Variants in IL16 observed in about 807,000 individuals in gnomAD.
The protein encoded by IL16 is pro-interleukin-16.
IL16 carries 67 observed loss-of-function variants against 110.1 expected under a neutral mutation model. The ratio of observed to expected loss-of-function variants is 0.61; its 90% CI spans 0.50 to 0.75. The LOEUF is 0.75. Among genes scored for constraint, IL16 ranks in the 30% least tolerant of loss-of-function variants. The pLI is 0.00. For missense variants in IL16, 1,545 were observed against 1,655.0 expected (o/e 0.93, Z 1.15); for synonymous variants, 689 against 662.9 (o/e 1.04, Z -0.61).
chr15:81,216,839 T>G (rs1896452558), intron 1 of IL16, among the ~76,000 whole-genome samples: 1 of 152,050 alleles, frequency 6.6e-6, no homozygotes, highest in South Asian at 2.1e-4. Context: ...TCTTCCAGCC[T>G]CCCTCCTCTC....
intron 1 of IL16, among the ~76,000 whole-genome samples, chr15:81,209,704 C>A (rs112661501): frequency 0.018 from 2,811 of 152,166 alleles, 67 homozygotes; most frequent in Middle Eastern, 0.041. Context: ...ACTCAATAGC[C>A]CACACCCACT....
At chr15:81,307,275 C>G (rs1900621607) in intron 18 of IL16, among the ~76,000 whole-genome samples, 2 of 152,172 alleles carry the variant, frequency 1.3e-5, no homozygotes, top group Admixed American at 1.3e-4. Context: ...CTAGTCCCAG[C>G]TCTGCCTGTA....
At chr15:81,269,055 T>C (rs1898514579) in intron 4 of IL16, among the ~76,000 whole-genome samples, 1 of 152,266 alleles carries the variant, frequency 6.6e-6, no homozygotes, top group Non-Finnish European at 1.5e-5. Context: ...TAAGCCTGTC[T>C]GCCTACCCCA....
chr15:81,292,766 CCA>C lies in IL16; in HGVS notation c.1632_1633del (p.Ser545LeufsTer41). The C allele has an allele frequency of 6.2e-7, 1 of 1,614,172 alleles. No homozygotes were observed. Among genetic ancestry groups the C allele is most frequent in the Non-Finnish European group, 8.5e-7 (1 of 1,180,022 alleles). On this transcript the variant is annotated frameshift_variant, in exon 12 of 19. Coordinates refer to ENST00000683961, the MANE Select transcript of IL16 (RefSeq NM_172217.5). LOFTEE classifies it high-confidence loss of function. The stretch of plus-strand genomic sequence containing the variant: ...GACGTGGACATCAGCACACACAGCC[CCA>C]GCTTGCCTCTGGCACGGGAGCCAGT...
At chr15:81,248,616 C>G (rs369460386) in intron 2 of IL16, among the ~76,000 whole-genome samples, 17 of 149,426 alleles carry the variant, frequency 1.1e-4, no homozygotes, top group African/African-American at 3.9e-4. Flanking sequence ...CTGTTTTATT[C>G]TCTGCTTTCT....
At chr15:81,280,255 C>T (rs958254105) in intron 8 of IL16, among the ~76,000 whole-genome samples, 4 of 152,172 alleles carry the variant, frequency 2.6e-5, no homozygotes, top group Admixed American at 6.5e-5. Flanking sequence ...TGAATGCAAC[C>T]GAACTGAGAC....
At chr15:81,203,267 C>A (rs1161475349) in intron 1 of IL16, among the ~76,000 whole-genome samples, 103 of 151,512 alleles carry the variant, frequency 6.8e-4, no homozygotes, top group African/African-American at 1.7e-3. Flanking sequence ...CCCATTCTGT[C>A]AGTTGCCTGT....
At chr15:81,197,716 GT>G (rs1393763764) in intron 1 of IL16, among the ~76,000 whole-genome samples, 2 of 151,324 alleles carry the variant, frequency 1.3e-5, no homozygotes, top group African/African-American at 2.5e-5. Flanking sequence ...TTTTGTTTTT[GT>G]TTTTTGTTTG....
intron 2 of IL16, among the ~76,000 whole-genome samples, chr15:81,226,350 A>T (rs1195196813): frequency 6.6e-6 from 1 of 152,184 alleles, no homozygotes; most frequent in African/African-American, 2.4e-5. Context: ...TCATAATGAG[A>T]TGGAGATTGC....
intron 1 of IL16, among the ~76,000 whole-genome samples, chr15:81,212,615 G>A (rs1296457400): frequency 6.6e-6 from 1 of 151,922 alleles, no homozygotes; most frequent in Non-Finnish European, 1.5e-5. Flanking sequence ...GGGATTACAG[G>A]CTCCCTCCAC....
At chr15:81,273,701 C>T (rs73501734) in intron 6 of IL16, among the ~76,000 whole-genome samples, 3,028 of 152,212 alleles carry the variant, frequency 0.02, 64 homozygotes, top group African/African-American at 0.063. Flanking sequence ...CTACTGAATC[C>T]TAGGGTCTAG....
At chr15:81,295,460 T>C (rs909491091) in intron 12 of IL16, 1 of 1,289,512 alleles carries the variant, frequency 7.8e-7, no homozygotes, top group Non-Finnish European at 1.0e-6. Flanking sequence ...TGTGGCTGCC[T>C]GTAAAAGAGC....
chr15:81,187,498 G>A (rs1413180020), intron 1 of IL16, among the ~76,000 whole-genome samples: 1 of 152,108 alleles, frequency 6.6e-6, no homozygotes, highest in East Asian at 1.9e-4. Context: ...GGAAGGCCGA[G>A]GCAGGAGGGT....
At chr15:81,191,261 G>T (rs1895493478) in intron 1 of IL16, among the ~76,000 whole-genome samples, 1 of 152,170 alleles carries the variant, frequency 6.6e-6, no homozygotes, top group Admixed American at 6.5e-5. Context: ...AGAACATTCT[G>T]TTTCCTAATC....
chr15:81,303,624 G>A lies in IL16; in HGVS notation c.3394G>A (p.Ala1132Thr). The A allele has an allele frequency of 5.0e-6, 8 of 1,613,602 alleles. No individual in the cohort carries two copies. Among genetic ancestry groups the A allele is most frequent in the Non-Finnish European group, 5.9e-6 (7 of 1,179,452 alleles). Residue 1132 changes from alanine (A) to threonine (T), a missense_variant, in exon 16 of 19, where the codon GCA (alanine) becomes ACA (threonine). Transcript: ENST00000683961. The surrounding 1 kb of genome is among the most constrained non-coding windows in gnomAD (Gnocchi z 4.1). The part of the protein sequence containing the change: ...AGLGFSLAGG[A>T]DLENKVITVH... Reference sequence around the variant, plus strand: ...TCTTGGGTTCAGCTTGGCAGGAGGAGCAGATCTAGAAAACAAGGTGATTAC... The same window carrying A: ...TCTTGGGTTCAGCTTGGCAGGAGGAACAGATCTAGAAAACAAGGTGATTAC...
intron 1 of IL16, among the ~76,000 whole-genome samples, chr15:81,220,786 C>T (rs1309472463): frequency 3.2e-5 from 4 of 126,470 alleles, no homozygotes; most frequent in Non-Finnish European, 4.6e-5. Context: ...TCAACAAGTG[C>T]TTGTTGAATG....
chr15:81,306,668 G>A, intron 18 of IL16, 123 bp downstream of exon 18: 1 of 1,206,682 alleles, frequency 8.3e-7, no homozygotes, highest in Non-Finnish European at 1.2e-6. Flanking sequence ...CTCTTCATAG[G>A]CATGCTGGTC....
intron 2 of IL16, among the ~76,000 whole-genome samples, chr15:81,246,251 AACC>A (rs994500936): frequency 6.6e-6 from 1 of 151,664 alleles, no homozygotes; most frequent in African/African-American, 2.4e-5. Flanking sequence ...AGGGTCGTGG[AACC>A]ACCACCACAA....
chr15:81,244,718 A>G lies in IL16; in HGVS notation c.313-15054A>G, dbSNP rs562312424. Among the ~76,000 whole-genome samples the G allele has an allele frequency of 9.9e-5, 15 of 152,156 alleles. No individual in the cohort carries two copies. The South Asian group carries it at 3.1e-3, about 32-fold the overall frequency. ...CTAAGCTTCTTGAATCTGTAATTTC[A>G]TCTCTTTTCCTAAATTTGTGAAGTG... is the stretch of plus-strand genomic sequence containing the variant. On this transcript the variant is annotated intron_variant, in intron 2 of 18. Transcript: ENST00000683961.
Sources: gnomAD v4.1 joint callset for allele counts (sites outside exome capture counted in the v4.1 genomes callset) on GRCh38, gnomAD v4.1.1 for gene constraint, Gnocchi (gnomAD v3.1) non-coding constraint, MANE v1.5 for transcripts, NCBI Gene and HGNC (gene_info 2026-07-23, HGNC 2026-07-21) for gene names.